The following ADRM1 variants were observed in gnomAD, a reference collection of about 807,000 sequenced individuals.
ADRM1 encodes ADRM1 26S proteasome ubiquitin receptor, also known as proteasomal ubiquitin receptor ADRM1.
Under a neutral mutation model 40.1 loss-of-function variants are expected in ADRM1, and 2 were observed. The ratio of observed to expected loss-of-function variants is 0.05; its 90% CI spans 0.02 to 0.16. The LOEUF is 0.16. Among genes scored for constraint, ADRM1 ranks in the 10% least tolerant of loss-of-function variants. The pLI, the probability that ADRM1 is intolerant of heterozygous loss-of-function variation, is 1.00. For missense variants in ADRM1, 467 were observed against 552.5 expected (o/e 0.85, Z 1.55); for synonymous variants, 287 against 240.4 (o/e 1.19, Z -1.79).
rs189029289 is a variant in ADRM1, at chr20:62,306,503, A to G, written c.455-145A>G. The G allele has an allele frequency of 7.3e-5, 94 of 1,283,674 alleles. No homozygotes were observed. In the African/African-American group the frequency reaches 1.3e-3, roughly 18 times the overall value. The allele number at this position is 1,283,674 out of a possible 1,614,324, so 79.5% of individuals were successfully genotyped here. A position where few individuals can be genotyped will look rare whatever the true frequency, so the allele number is the denominator to read the frequency against. ...CCTTCACGGGGTAGGACGGGTCTGC[A>G]TCCCACCGTCGCCTCACTTCAAGTG... On this transcript the variant is annotated intron_variant, in intron 4 of 9. Transcript: ENST00000253003.
upstream of ADRM1, chr20:62,302,967 G>C (rs929475087): frequency 2.0e-5 from 3 of 152,316 alleles, no homozygotes; most frequent in Non-Finnish European, 4.4e-5. Flanking sequence ...GCCGAACGCG[G>C]GTTTCCGGCG....
chr20:62,304,481 C>G lies in ADRM1; in HGVS notation c.234C>G (p.Asp78Glu). 6.2e-7 allele frequency: 1 copy of G among 1,613,814 alleles called. No homozygotes were observed. Among genetic ancestry groups the G allele is most frequent in the African/African-American group, 1.3e-5 (1 of 75,074 alleles). Residue 78 changes from aspartate to glutamate, a missense_variant, in exon 3 of 10, where the codon GAC (aspartate) becomes GAG (glutamate). Asp to Glu is a conservative substitution (Grantham distance 45). This residue lies in a region of ADRM1 where 418 missense variants were observed against 474.6 expected (regional missense o/e 0.88). Transcript: ENST00000253003. ...NVEDDLIIFPDDCEFKRVPQC... is the reference protein window; with the variant it reads ...NVEDDLIIFPEDCEFKRVPQC... ...GCCAGGACTTGATCATCTTCCCTGA[C>G]GACTGTGAGTTCAAGCGGGTGCCGC...
At chr20:62,305,375 T>C (rs1984753877) in intron 3 of ADRM1, 1 of 152,354 alleles carries the variant, frequency 6.6e-6, no homozygotes, top group South Asian at 2.1e-4. Context: ...ATGGTCTGTG[T>C]TGCTGGTCAC....
At chr20:62,303,971 C>T (rs554918464) in intron 2 of ADRM1, among the ~76,000 whole-genome samples, 190 bp downstream of exon 2, 1 of 152,234 alleles carries the variant, frequency 6.6e-6, no homozygotes, top group African/African-American at 2.4e-5. Context: ...GTATCTTGAA[C>T]TGTCCGTGTG....
At chr20:62,303,814 G>T in intron 2 of ADRM1, 33 bp downstream of exon 2, 1 of 1,596,118 alleles carries the variant, frequency 6.3e-7, no homozygotes, top group Non-Finnish European at 8.5e-7. Context: ...AGCAGGACAG[G>T]CGACTTCTCG....
intron 5 of ADRM1, among the ~76,000 whole-genome samples, chr20:62,307,087 G>A (rs1408382486): frequency 6.6e-6 from 1 of 152,210 alleles, no homozygotes; most frequent in African/African-American, 2.4e-5. Context: ...CGTGTGCTTG[G>A]CCCTTCAGAA....
chr20:62,304,115 C>T (rs1020434272), intron 2 of ADRM1: 2 of 486,650 alleles, frequency 4.1e-6, no homozygotes, highest in East Asian at 3.7e-5. Flanking sequence ...CGGCTTCACT[C>T]AGTCTTCTTT....
rs1407039221 is a variant in ADRM1 at position 62,307,460 on chromosome 20, T to C, written c.623+8T>C. On this transcript the variant is annotated splice_region_variant and intron_variant, in intron 6 of 9. Transcript: ENST00000253003. Reference sequence around the variant, plus strand: ...GAGCAGCTCCTCCTCCAGGTGAGCCTCATCGCTCCTGCCACGCAGGTGCCA... The same window carrying C: ...GAGCAGCTCCTCCTCCAGGTGAGCCCCATCGCTCCTGCCACGCAGGTGCCA... The C allele has an allele frequency of 1.2e-6, 2 of 1,608,032 alleles. No individual in the cohort carries two copies. Among genetic ancestry groups the C allele is most frequent in the Non-Finnish European group, 1.7e-6 (2 of 1,179,512 alleles).
chr20:62,306,469 C>G, intron 4 of ADRM1, 149 bp downstream of exon 4: 1 of 1,362,770 alleles, frequency 7.3e-7, no homozygotes, highest in Non-Finnish European at 1.0e-6. Flanking sequence ...GGGTCACTCC[C>G]CACTCCCACC....
At chr20:62,304,736 C>T (rs1601231625) in intron 3 of ADRM1, among the ~76,000 whole-genome samples, 159 bp downstream of exon 3, 2 of 152,388 alleles carry the variant, frequency 1.3e-5, no homozygotes, top group African/African-American at 2.4e-5. Context: ...GTGCATGCTA[C>T]CTGGGGCCGA....
rs767047144 is a variant in ADRM1, at chr20:62,307,717, G to A, written c.745G>A (p.Gly249Arg). ...ATSPSPAPSS[G>R]NGASTAASPT... ...TAGCCCGAGCCCCGCGCCCAGTTCC[G>A]GGAATGGAGCCAGCACAGCAGCCAG... is the stretch of plus-strand genomic sequence containing the variant. The change falls in exon 7 of 10, where the codon GGG becomes AGG. Residue 249 changes from glycine (G) to arginine (R), a missense_variant. Transcript: ENST00000253003. The A allele has an allele frequency of 8.7e-6, 14 of 1,612,090 alleles. No homozygotes were observed. The highest frequency in any genetic ancestry group is 3.3e-5 in the South Asian group (3 of 91,038).
In ADRM1 at chr20:62,303,840, C is replaced by T. The variant is rs538718833; in HGVS notation, c.213+59C>T. 34 of 1,555,872 alleles carry T rather than the reference C, an allele frequency of 2.2e-5. No individual in the cohort carries two copies. In the Admixed American group the frequency reaches 5.7e-4, roughly 26 times the overall value. On this transcript the variant is annotated intron_variant, in intron 2 of 9. Coordinates refer to ENST00000253003, the MANE Select transcript of ADRM1 (RefSeq NM_007002.4). ...CGACTTCTCGGGCCCTCGGAGTCCTCGCTTTGGAGTTCGCGGTGGGGGCTT... is the reference window on the plus strand; with the variant it reads ...CGACTTCTCGGGCCCTCGGAGTCCTTGCTTTGGAGTTCGCGGTGGGGGCTT...
At chr20:62,303,984 G>T (rs1389120225) in intron 2 of ADRM1, among the ~76,000 whole-genome samples, 2 of 152,162 alleles carry the variant, frequency 1.3e-5, no homozygotes, top group Non-Finnish European at 2.9e-5. Context: ...TCCGTGTGAG[G>T]TGCCTGGGTT....
chr20:62,307,499 G>C, intron 6 of ADRM1, 47 bp downstream of exon 6: 1 of 1,601,254 alleles, frequency 6.2e-7, no homozygotes, highest in Non-Finnish European at 8.5e-7. Context: ...TGTTAAGGGA[G>C]GGGCAGTGGG....
rs748113742 is a variant in ADRM1, at chr20:62,306,438, T to C, written c.454+118T>C. 7.1e-6 allele frequency: 11 copies of C among 1,547,648 alleles called. No individual in the cohort carries two copies. The South Asian group carries it at 1.2e-4, about 17-fold the overall frequency. ...AGTGGAAATAGAAGATTCTAAAAGT[T>C]AGAGACCCTGTGAGCTCCCTGGGTC... On this transcript the variant is annotated intron_variant, in intron 4 of 9. Transcript: ENST00000253003.
intron 8 of ADRM1, 53 bp from the exon 9 acceptor site, chr20:62,308,315 C>A (rs1438942008): frequency 6.4e-7 from 1 of 1,554,460 alleles, no homozygotes; most frequent in Non-Finnish European, 8.7e-7. Flanking sequence ...AGCAGTGTGG[C>A]TCTGGGGTGC....
Position 62,308,605 on chromosome 20 carries a change from C to A in ADRM1, c.1118-50C>A, listed in dbSNP as rs113956612. On this transcript the variant is annotated intron_variant, in intron 9 of 9. Transcript: ENST00000253003. ...CCCTTGATCCCATCGCTTTGATCCC[C>A]AGTTCTGGGCAAGGGTTAGACACCA... 1,856 of 1,604,366 alleles carry A rather than the reference C, an allele frequency of 1.2e-3. 19 individuals carry two copies. In the African/African-American group the frequency reaches 0.022, roughly 19 times the overall value.
chr20:62,303,882 C>A (rs1250832143), intron 2 of ADRM1, 101 bp downstream of exon 2: 4 of 1,209,014 alleles, frequency 3.3e-6, no homozygotes, highest in Non-Finnish European at 4.7e-6. Context: ...ATCTGGGGAC[C>A]GCTCGTGGGG....
chr20:62,308,335 T>TGGAGCTCAGCCCTCGCC (rs1390478228), intron 8 of ADRM1, 33 bp from the exon 9 acceptor site: 1 of 1,571,200 alleles, frequency 6.4e-7, no homozygotes, highest in Admixed American at 1.8e-5. Context: ...CAGCCCGGGT[T>TGGAGCTCAGCCCTCGCC]GGAGCTCAGC....
Sources: gnomAD v4.1 joint callset for allele counts (sites outside exome capture counted in the v4.1 genomes callset) on GRCh38, gnomAD v4.1.1 for gene constraint, gnomAD v4.1.1 regional missense constraint, MANE v1.5 for transcripts, NCBI Gene and HGNC (gene_info 2026-07-23, HGNC 2026-07-21) for gene names.